The following RORA variants were observed in gnomAD, a reference collection of about 807,000 sequenced individuals.
The protein encoded by RORA is nuclear receptor ROR-alpha.
A neutral mutation model predicts 69.5 loss-of-function variants in RORA; 7 were observed. The observed-to-expected ratio is 0.10, with a 90% CI of 0.06 to 0.19. The LOEUF is 0.19. RORA is among the 10% of genes least tolerant of loss of function. The pLI, the probability that RORA is intolerant of heterozygous loss-of-function variation, is 1.00. For synonymous variants in RORA, 261 were observed against 240.8 expected, an observed-to-expected ratio of 1.08 and a Z score of -0.78; for missense variants, 457 against 663.0, an observed-to-expected ratio of 0.69 and a Z score of 3.41.
intron 1 of RORA, among the ~76,000 whole-genome samples, chr15:61,203,482 G>A (rs2079912916): frequency 6.6e-6 from 1 of 152,154 alleles, no homozygotes; most frequent in African/African-American, 2.4e-5. Context: ...AAACAGCAGA[G>A]TAGATAGAAT....
intron 1 of RORA, among the ~76,000 whole-genome samples, chr15:61,107,112 G>A (rs557934000): frequency 2.0e-5 from 3 of 152,244 alleles, no homozygotes; most frequent in East Asian, 1.9e-4. Context: ...CCAAAAGCAG[G>A]GAGGTAATTA....
intron 1 of RORA, among the ~76,000 whole-genome samples, chr15:60,778,745 T>C (rs1287334209): frequency 6.6e-6 from 1 of 152,194 alleles, no homozygotes; most frequent in Non-Finnish European, 1.5e-5. Context: ...TGGAAGATAG[T>C]TACTGTTTTT....
chr15:60,947,241 T>C (rs886395933), intron 1 of RORA, among the ~76,000 whole-genome samples: 2 of 152,122 alleles, frequency 1.3e-5, no homozygotes, highest in Non-Finnish European at 2.9e-5. Flanking sequence ...GGCGGTTTTG[T>C]CGAATAGAAA....
intron 1 of RORA, among the ~76,000 whole-genome samples, chr15:61,014,939 T>C (rs1418904214): frequency 6.6e-6 from 1 of 152,188 alleles, no homozygotes; most frequent in African/African-American, 2.4e-5. Context: ...ATCTGAGATA[T>C]TTTATCTGCT....
chr15:61,127,776 G>A (rs890963663), intron 1 of RORA, among the ~76,000 whole-genome samples: 1 of 151,996 alleles, frequency 6.6e-6, no homozygotes, highest in Admixed American at 6.6e-5. Flanking sequence ...ATTAACACGG[G>A]CCATCCAGAC....
chr15:60,789,402 A>C (rs1163828613), intron 1 of RORA, among the ~76,000 whole-genome samples: 1 of 152,244 alleles, frequency 6.6e-6, no homozygotes, highest in East Asian at 1.9e-4. Context: ...TTTCTCTAGA[A>C]GAGTCTTCCT....
intron 1 of RORA, among the ~76,000 whole-genome samples, chr15:61,182,354 C>CA (rs2079694813): frequency 6.6e-6 from 1 of 152,182 alleles, no homozygotes; most frequent in Non-Finnish European, 1.5e-5. Context: ...GCCATGATAG[C>CA]AAAACAAAGT....
At chr15:60,921,963 C>T (rs529794793) in intron 1 of RORA, among the ~76,000 whole-genome samples, 1 of 152,184 alleles carries the variant, frequency 6.6e-6, no homozygotes, top group East Asian at 1.9e-4. Context: ...CTATAACAGA[C>T]CCCCATGGAC....
chr15:60,781,082 T>C (rs2072246256), intron 1 of RORA, among the ~76,000 whole-genome samples: 1 of 152,210 alleles, frequency 6.6e-6, no homozygotes. Context: ...GAGAGCTGCA[T>C]CTTTTGGACT....
intron 1 of RORA, among the ~76,000 whole-genome samples, chr15:60,961,963 T>C (rs575547957): frequency 1.3e-5 from 2 of 152,324 alleles, no homozygotes; most frequent in African/African-American, 2.4e-5. Flanking sequence ...GGTTTGTATT[T>C]GTTTGGCCCA....
intron 1 of RORA, chr15:60,706,319 C>T (rs2071062488): frequency 6.6e-6 from 1 of 152,212 alleles, no homozygotes; most frequent in Admixed American, 6.5e-5. Flanking sequence ...GACACAGCAC[C>T]CTCAAGCAGC....
chr15:60,655,702 G>A (rs1003781631), intron 2 of RORA, among the ~76,000 whole-genome samples: 3 of 152,028 alleles, frequency 2.0e-5, no homozygotes, highest in Admixed American at 6.5e-5. Flanking sequence ...CATTTTCGTC[G>A]GATTTTACTC....
chr15:60,862,104 A>G (rs761159424), intron 1 of RORA, among the ~76,000 whole-genome samples: 1 of 152,240 alleles, frequency 6.6e-6, no homozygotes, highest in African/African-American at 2.4e-5. Flanking sequence ...GGGTGAGAGG[A>G]AATGGGCACT....
chr15:60,978,820 C>T (rs1445146836), intron 1 of RORA, among the ~76,000 whole-genome samples: 1 of 152,064 alleles, frequency 6.6e-6, no homozygotes, highest in African/African-American at 2.4e-5. Context: ...ATTGACCATA[C>T]ATGTATGTAT....
chr15:61,195,457 G>A (rs780923094), intron 1 of RORA, among the ~76,000 whole-genome samples: 1 of 151,142 alleles, frequency 6.6e-6, no homozygotes, highest in Non-Finnish European at 1.5e-5. Context: ...TCTCCACAGA[G>A]GGGTTCCGAT....
chr15:61,116,562 T>C (rs1229319866), intron 1 of RORA, among the ~76,000 whole-genome samples: 1 of 152,142 alleles, frequency 6.6e-6, no homozygotes, highest in Non-Finnish European at 1.5e-5. Flanking sequence ...CTTACCCAGA[T>C]GATTACAAAT....
intron 1 of RORA, among the ~76,000 whole-genome samples, chr15:60,839,532 CA>C (rs1468634267): frequency 6.6e-6 from 1 of 152,226 alleles, no homozygotes; most frequent in Non-Finnish European, 1.5e-5. Context: ...TAGTCTAGCT[CA>C]AACTTGAATG....
In RORA at chr15:60,835,362, C is replaced by T. The variant is rs75964164; in HGVS notation, c.167-156676G>A. On this transcript the variant is annotated intron_variant, in intron 1 of 10. Coordinates refer to ENST00000335670, the MANE Select transcript of RORA (RefSeq NM_134261.3). ...TCTCTCTGGGTTGCTGGTGTTCTAT[C>T]AGTCAATCATATAATCTTTCTGACG... Among the ~76,000 whole-genome samples the T allele has an allele frequency of 8.0e-3, 1,225 of 152,310 alleles. 6 individuals carry two copies. Among genetic ancestry groups the T allele is most frequent in the South Asian group, 0.03 (143 of 4,830 alleles).
chr15:61,030,209 A>C lies in RORA; in HGVS notation c.166+198844T>G, dbSNP rs536386865. Among the ~76,000 whole-genome samples the C allele has an allele frequency of 4.6e-5, 7 of 152,294 alleles. No individual in the cohort carries two copies. The South Asian group carries it at 1.2e-3, about 27-fold the overall frequency. Reference sequence around the variant, plus strand: ...AACTAGATGTAATAGGTGATTCTGAACTAGTACCTTTGGCTATAAAGGACC... The same window carrying C: ...AACTAGATGTAATAGGTGATTCTGACCTAGTACCTTTGGCTATAAAGGACC... On this transcript the variant is annotated intron_variant, in intron 1 of 10. Coordinates refer to ENST00000335670, the MANE Select transcript of RORA (RefSeq NM_134261.3).
Sources: allele counts gnomAD v4.1 joint callset (sites outside exome capture counted in the v4.1 genomes callset), GRCh38; gene constraint gnomAD v4.1.1; transcripts MANE v1.5; gene names NCBI Gene and HGNC (gene_info 2026-07-23, HGNC 2026-07-21).